DGKB: variants seen among roughly 807,000 people sequenced by gnomAD.
DGKB encodes the protein diacylglycerol kinase beta, also known as 90 kDa diacylglycerol kinase.
A neutral mutation model predicts 114.3 loss-of-function variants in DGKB; 67 were observed. That is an observed-to-expected ratio of 0.59 (90% confidence interval 0.48 to 0.72). DGKB has a LOEUF of 0.72. Among genes scored for constraint, DGKB ranks in the 30% least tolerant of loss-of-function variants. DGKB has a pLI of 0.00. For missense variants in DGKB, 907 were observed against 975.2 expected, an observed-to-expected ratio of 0.93 and a Z score of 0.93; for synonymous variants, 398 against 323.1, an observed-to-expected ratio of 1.23 and a Z score of -2.49.
chr7:14,607,247 C>G (rs1169595292), intron 17 of DGKB, among the ~76,000 whole-genome samples, 187 bp downstream of exon 17: 1 of 151,482 alleles, frequency 6.6e-6, no homozygotes, highest in South Asian at 2.1e-4. Context: ...GAAGAAAAAT[C>G]TGCTAGAAAT....
chr7:14,734,343 T>TA (rs1831390252), intron 5 of DGKB, among the ~76,000 whole-genome samples: 1 of 152,016 alleles, frequency 6.6e-6, no homozygotes, highest in Admixed American at 6.6e-5. Flanking sequence ...CCGGCCTCTA[T>TA]ACCAACAATT....
chr7:14,729,132 T>TTTTTTC, intron 5 of DGKB, among the ~76,000 whole-genome samples: 1 of 146,430 alleles, frequency 6.8e-6, no homozygotes, highest in African/African-American at 2.6e-5. Context: ...TCTTTTTTTT[T>TTTTTTC]TTTTTTTTTT....
chr7:14,323,207 C>G (rs1036190670), intron 23 of DGKB, among the ~76,000 whole-genome samples: 23 of 151,882 alleles, frequency 1.5e-4, no homozygotes, highest in Non-Finnish European at 1.5e-5. Flanking sequence ...CAATATATGC[C>G]ATATAATTCT....
intron 9 of DGKB, among the ~76,000 whole-genome samples, chr7:14,688,641 G>A (rs779851370): frequency 6.6e-5 from 10 of 152,156 alleles, no homozygotes; most frequent in Non-Finnish European, 1.3e-4. Context: ...GTTCAGGTCC[G>A]TGTTTATGAC....
At chr7:14,222,978 A>T (rs182303220) in intron 23 of DGKB, among the ~76,000 whole-genome samples, 1 of 151,650 alleles carries the variant, frequency 6.6e-6, no homozygotes, top group Non-Finnish European at 1.5e-5. Flanking sequence ...TGCTGTTTGC[A>T]TGATCTGTCT....
At chr7:14,548,828 T>G (rs1359773646) in intron 20 of DGKB, among the ~76,000 whole-genome samples, 1 of 151,990 alleles carries the variant, frequency 6.6e-6, no homozygotes, top group African/African-American at 2.4e-5. Context: ...CCCAGGGGAC[T>G]ATATAAATAA....
intron 23 of DGKB, among the ~76,000 whole-genome samples, chr7:14,319,278 A>C (rs1044610570): frequency 3.7e-5 from 3 of 81,206 alleles, no homozygotes; most frequent in South Asian, 1.0e-3. Context: ...CCTAAAACTT[A>C]AAGTATAATA....
chr7:14,473,199 G>C (rs1255242340), intron 21 of DGKB, among the ~76,000 whole-genome samples: 1 of 152,140 alleles, frequency 6.6e-6, no homozygotes, highest in African/African-American at 2.4e-5. Context: ...GCCAAGCCCA[G>C]GGTGCCCATG....
chr7:14,767,710 T>C (rs947252125), intron 2 of DGKB, among the ~76,000 whole-genome samples: 7 of 151,990 alleles, frequency 4.6e-5, no homozygotes, highest in African/African-American at 1.7e-4. Context: ...TTCACTTTTG[T>C]GGGCAATAGA....
intron 17 of DGKB, among the ~76,000 whole-genome samples, chr7:14,588,193 C>T (rs190328121): frequency 6.6e-6 from 1 of 152,052 alleles, no homozygotes; most frequent in East Asian, 1.9e-4. Flanking sequence ...CTTTTGGTTT[C>T]CATTATCTAT....
chr7:14,298,325 C>G (rs1016551646), intron 23 of DGKB, among the ~76,000 whole-genome samples: 2 of 152,174 alleles, frequency 1.3e-5, no homozygotes, highest in African/African-American at 2.4e-5. Context: ...GCTACATTAA[C>G]CAAAACAGCA....
chr7:14,487,619 C>T (rs1224615527), intron 20 of DGKB, among the ~76,000 whole-genome samples: 1 of 149,504 alleles, frequency 6.7e-6, no homozygotes, highest in African/African-American at 2.5e-5. Flanking sequence ...GAATCTCTCC[C>T]TGTCACCAAG....
At chr7:14,316,740 T>G (rs2128520706) in intron 23 of DGKB, among the ~76,000 whole-genome samples, 1 of 151,134 alleles carries the variant, frequency 6.6e-6, no homozygotes, top group Non-Finnish European at 1.5e-5. Context: ...TCTGAAACTA[T>G]TCCAATCAAT....
At chr7:14,242,942 A>G (rs1024951567) in intron 23 of DGKB, among the ~76,000 whole-genome samples, 6 of 150,426 alleles carry the variant, frequency 4.0e-5, no homozygotes, top group African/African-American at 1.5e-4. Context: ...TTTGGACTTT[A>G]TATAAATAGG....
intron 20 of DGKB, among the ~76,000 whole-genome samples, chr7:14,522,432 G>A (rs1789940341): frequency 6.6e-6 from 1 of 152,108 alleles, no homozygotes; most frequent in Admixed American, 6.6e-5. Flanking sequence ...GTCCACTGAT[G>A]CACTGAATGC....
rs370478049 is a variant in DGKB, at chr7:14,380,169, G to T, written c.1836-34778C>A. On this transcript the variant is annotated intron_variant, in intron 21 of 25. Coordinates refer to ENST00000402815, the MANE Select transcript of DGKB (RefSeq NM_001350709.2). ...TTCAGTGATTAAAACAGTTATCACTGCCCAGCCCTAAAAGATTTATAAACA... is the reference window on the plus strand; with the variant it reads ...TTCAGTGATTAAAACAGTTATCACTTCCCAGCCCTAAAAGATTTATAAACA... Among the ~76,000 whole-genome samples the T allele has an allele frequency of 8.6e-5, 13 of 151,996 alleles. No individual in the cohort carries two copies. In the East Asian group the frequency reaches 1.5e-3, roughly 18 times the overall value.
At chr7:14,789,576 T>A (rs189236334) in intron 2 of DGKB, among the ~76,000 whole-genome samples, 7 of 152,238 alleles carry the variant, frequency 4.6e-5, no homozygotes, top group Admixed American at 1.3e-4. Context: ...CCTTTTTCTC[T>A]TTTTATGAGA....
At chr7:14,567,327 AT>A (rs1797633797) in intron 20 of DGKB, among the ~76,000 whole-genome samples, 3 of 34,568 alleles carry the variant, frequency 8.7e-5, no homozygotes, top group African/African-American at 3.6e-4. Flanking sequence ...TATTATATAT[AT>A]TATATATTTA....
intron 20 of DGKB, among the ~76,000 whole-genome samples, chr7:14,516,802 T>C (rs1339152528): frequency 6.6e-6 from 1 of 152,048 alleles, no homozygotes; most frequent in Non-Finnish European, 1.5e-5. Context: ...AATCACACAA[T>C]ACTGCTCAAA....
Sources: gnomAD v4.1 joint callset for allele counts (sites outside exome capture counted in the v4.1 genomes callset) on GRCh38, gnomAD v4.1.1 for gene constraint, MANE v1.5 for transcripts, NCBI Gene and HGNC (gene_info 2026-07-23, HGNC 2026-07-21) for gene names.